NUP210: variants seen among roughly 807,000 people sequenced by gnomAD.
NUP210 encodes the protein nucleoporin 210, also known as nuclear pore membrane glycoprotein 210.
A neutral mutation model predicts 196.0 loss-of-function variants in NUP210; 151 were observed. The ratio of observed to expected loss-of-function variants is 0.77; its 90% confidence interval spans 0.67 to 0.88. NUP210 has a LOEUF of 0.88. NUP210 is among the 40% of genes least tolerant of loss of function. NUP210 has a pLI of 0.00. For missense variants in NUP210, 2,314 were observed against 2,493.7 expected (o/e 0.93, Z 1.53); for synonymous variants, 1,070 against 1,052.7 (o/e 1.02, Z -0.32).
Position 13,373,735 on chromosome 3 carries a change from G to A in NUP210, c.1570C>T (p.His524Tyr), listed in dbSNP as rs764062012. ...GATCTCACCTTCATCTCACCGAAAT[G>A]GAGTGGGTTCTGCACATCATGTGCC... ...IQAHDVQNPL[H>Y]FGEMKVYVIE... The change falls in exon 12 of 40, where the codon CAT becomes TAT. Residue 524 changes from histidine (H) to tyrosine (Y), a missense_variant. Physicochemically the swap from His to Tyr is moderately conservative, Grantham distance 83. Transcript: ENST00000254508. 7.4e-6 allele frequency: 12 copies of A among 1,614,050 alleles called. No homozygotes were observed. The highest frequency in any genetic ancestry group is 1.0e-5 in the Non-Finnish European group (12 of 1,180,026).
At chr3:13,352,001 G>C in intron 19 of NUP210, 21 bp from the exon 20 acceptor site, 1 of 1,608,040 alleles carries the variant, frequency 6.2e-7, no homozygotes, top group Non-Finnish European at 8.5e-7. Flanking sequence ...CAGATGCAGG[G>C]AGGGTTGGGC....
intron 9 of NUP210, among the ~76,000 whole-genome samples, chr3:13,376,632 C>T (rs1258562328): frequency 4.6e-5 from 7 of 152,148 alleles, no homozygotes; most frequent in African/African-American, 9.7e-5. Flanking sequence ...TTGTCCCCAC[C>T]GAGGCCACCC....
At chr3:13,317,913 G>T in intron 39 of NUP210, 132 bp from the exon 40 acceptor site, 1 of 643,152 alleles carries the variant, frequency 1.6e-6, no homozygotes, top group Non-Finnish European at 2.7e-6. Flanking sequence ...GGCCTCCCCG[G>T]CCAGCAGAGG....
chr3:13,417,100 G>C (rs1271306136), intron 1 of NUP210, among the ~76,000 whole-genome samples: 1 of 152,138 alleles, frequency 6.6e-6, no homozygotes, highest in East Asian at 1.9e-4. Flanking sequence ...GAGAGAATTA[G>C]AGCCTGGCAA....
At chr3:13,374,585 C>T (rs1388041628) in intron 11 of NUP210, among the ~76,000 whole-genome samples, 2 of 152,220 alleles carry the variant, frequency 1.3e-5, no homozygotes, top group African/African-American at 2.4e-5. Flanking sequence ...CAAACACACA[C>T]GCCCATGACA....
intron 20 of NUP210, chr3:13,345,301 T>G: frequency 1.1e-6 from 1 of 872,166 alleles, no homozygotes; most frequent in Non-Finnish European, 1.4e-6. Context: ...CACTTCAATG[T>G]GCAAATGAGT....
chr3:13,335,143 C>A (rs982297216), intron 28 of NUP210, among the ~76,000 whole-genome samples: 2 of 152,228 alleles, frequency 1.3e-5, no homozygotes, highest in Non-Finnish European at 2.9e-5. Flanking sequence ...ACACAGTGAG[C>A]CCCAAGCTCA....
chr3:13,418,251 A>G (rs1700410805), intron 1 of NUP210, among the ~76,000 whole-genome samples: 1 of 152,248 alleles, frequency 6.6e-6, no homozygotes, highest in African/African-American at 2.4e-5. Context: ...CCAAAATGCA[A>G]TGGGCTGACC....
chr3:13,323,330 C>A lies in NUP210; in HGVS notation c.4747G>T (p.Asp1583Tyr). ...TASKVIVAVG[D>Y]RSSNLRGECT... is the part of the protein sequence containing the mutation. The stretch of plus-strand genomic sequence containing the variant: ...GTACCTCTCAGGTTAGAGCTTCTGT[C>A]TCCCACGGCAACAATCACTTTGGAG... The change falls in exon 34 of 40, where the codon GAC becomes TAC. Residue 1583 changes from aspartate to tyrosine, a missense_variant. Asp to Tyr is a radical substitution (Grantham distance 160). Transcript: ENST00000254508. The surrounding 1 kb of genome is among the most constrained non-coding windows in gnomAD (Gnocchi z 4.3). 6.2e-7 allele frequency: 1 copy of A among 1,614,172 alleles called. No individual in the cohort carries two copies. The highest frequency in any genetic ancestry group is 8.5e-7 in the Non-Finnish European group (1 of 1,180,010).
Position 13,360,465 on chromosome 3 carries a change from C to T in NUP210, c.1959G>A (p.Leu653=). The change falls in exon 15 of 40, where the codon TTG becomes TTA. Residue 653 remains leucine (L), a synonymous_variant. Coordinates refer to ENST00000254508, the MANE Select transcript of NUP210 (RefSeq NM_024923.4). ...TCTCCTTTGAGGAGCCCAGGGTTAC[C>T]AAGGCAACAGAGGAGGGATCCACAG... is the stretch of plus-strand genomic sequence containing the variant. ...LKAVDPSSVA[L]VTLGSSKEML... 7.4e-6 allele frequency: 12 copies of T among 1,612,012 alleles called. No individual in the cohort carries two copies. Among genetic ancestry groups the T allele is most frequent in the Non-Finnish European group, 1.0e-5 (12 of 1,179,124 alleles).
intron 1 of NUP210, among the ~76,000 whole-genome samples, chr3:13,416,728 G>C (rs907412034): frequency 1.3e-5 from 2 of 152,218 alleles, no homozygotes. Context: ...GCTCAGACAC[G>C]GAGCCCTCAG....
chr3:13,351,903 G>T lies in NUP210; in HGVS notation c.2811C>A (p.Tyr937Ter). The change falls in exon 20 of 40, where the codon TAC becomes TAA. Residue 937 changes from tyrosine (Y) to a stop codon, truncating the protein, a stop_gained. Transcript: ENST00000254508. LOFTEE classifies it high-confidence loss of function. ...CCATGGCGACACCCCTGGCCTCCTG[G>T]TAGGCCACCTTGACAACATCTGCGG... ...TSTADVVKVAYQEARGVAMVH... is the reference protein window; with the variant it reads ...TSTADVVKVA 6.2e-7 allele frequency: 1 copy of T among 1,613,852 alleles called. No homozygotes were observed.
chr3:13,396,093 C>T (rs1041703349), intron 3 of NUP210, among the ~76,000 whole-genome samples: 5 of 152,186 alleles, frequency 3.3e-5, no homozygotes, highest in African/African-American at 9.7e-5. Context: ...TCTGCTAGTG[C>T]TCTAAACAGT....
intron 2 of NUP210, among the ~76,000 whole-genome samples, chr3:13,398,257 T>G (rs542159554): frequency 6.6e-6 from 1 of 152,072 alleles, no homozygotes; most frequent in African/African-American, 2.4e-5. Flanking sequence ...CTGGCCAACA[T>G]GATGAAACCC....
intron 32 of NUP210, 95 bp from the exon 33 acceptor site, chr3:13,326,026 G>A: frequency 1.3e-6 from 2 of 1,500,506 alleles, no homozygotes; most frequent in Non-Finnish European, 1.8e-6. Flanking sequence ...TTCCTCGCTG[G>A]CTGCCGCTAC....
chr3:13,327,044 G>A (rs1001597842), intron 32 of NUP210, among the ~76,000 whole-genome samples, 173 bp downstream of exon 32: 1 of 152,228 alleles, frequency 6.6e-6, no homozygotes, highest in Non-Finnish European at 1.5e-5. Context: ...CAGAAAACAG[G>A]CACAGGCTGG....
At chr3:13,355,365 T>C (rs947902880) in intron 16 of NUP210, among the ~76,000 whole-genome samples, 1 of 152,224 alleles carries the variant, frequency 6.6e-6, no homozygotes, top group African/African-American at 2.4e-5. Context: ...CCACATTCCC[T>C]TTCTCTCCAC....
intron 35 of NUP210, 64 bp downstream of exon 35, chr3:13,322,129 G>A (rs973156416): frequency 2.9e-5 from 46 of 1,581,518 alleles, no homozygotes; most frequent in Admixed American, 1.0e-4. Flanking sequence ...CGTGGAAGCC[G>A]CAAGATGCCC....
At chr3:13,353,171 G>C (rs1027254413) in intron 18 of NUP210, among the ~76,000 whole-genome samples, 1 of 152,132 alleles carries the variant, frequency 6.6e-6, no homozygotes, top group Non-Finnish European at 1.5e-5. Context: ...TTGCTCCCAA[G>C]AGGACAATAG....
Sources: allele counts gnomAD v4.1 joint callset (sites outside exome capture counted in the v4.1 genomes callset), GRCh38; gene constraint gnomAD v4.1.1; non-coding constraint Gnocchi (gnomAD v3.1); transcripts MANE v1.5; gene names NCBI Gene and HGNC (gene_info 2026-07-23, HGNC 2026-07-21).